STK32B: variants seen among roughly 807,000 people sequenced by gnomAD.
STK32B encodes serine/threonine kinase 32B.
Under a neutral mutation model 52.6 loss-of-function variants are expected in STK32B, and 43 were observed. The ratio of observed to expected loss-of-function variants is 0.82; its 90% CI spans 0.64 to 1.05. STK32B has a LOEUF of 1.05. STK32B is among the 50% of genes least tolerant of loss of function. STK32B has a pLI of 0.00. For synonymous variants in STK32B, 238 were observed against 204.3 expected (o/e 1.17, Z -1.41); for missense variants, 621 against 534.6 (o/e 1.16, Z -1.59).
intron 11 of STK32B, among the ~76,000 whole-genome samples, chr4:5,484,256 A>T (rs1026259190): frequency 6.6e-6 from 1 of 152,194 alleles, no homozygotes; most frequent in Non-Finnish European, 1.5e-5. Flanking sequence ...GACTTGCTCT[A>T]TGAATCTGGG....
At chr4:5,420,290 A>T (rs184976412) in intron 6 of STK32B, among the ~76,000 whole-genome samples, 1 of 152,186 alleles carries the variant, frequency 6.6e-6, no homozygotes, top group Non-Finnish European at 1.5e-5. Context: ...AGTAGTCTTC[A>T]TGGGAGCCTG....
chr4:5,074,548 CATATCTAGTATTTTTCTTTAT>C (rs1224220542), intron 1 of STK32B, among the ~76,000 whole-genome samples: 1 of 151,848 alleles, frequency 6.6e-6, no homozygotes, highest in African/African-American at 2.4e-5. Flanking sequence ...TGTTTCTTTA[CATATCTAGTATTTTTCTTTAT>C]ATGCTAGATA....
the STK32B span, among the ~76,000 whole-genome samples, chr4:5,037,990 C>A: frequency 6.6e-6 from 1 of 152,102 alleles, no homozygotes; most frequent in Non-Finnish European, 1.5e-5. Context: ...CTAAGACCTC[C>A]CCACCCGTCC....
chr4:5,301,795 GA>G, intron 3 of STK32B, among the ~76,000 whole-genome samples: 1 of 142,374 alleles, frequency 7.0e-6, no homozygotes, highest in East Asian at 2.1e-4. Context: ...CATTGAAATA[GA>G]AAATGCTCTA....
intron 3 of STK32B, among the ~76,000 whole-genome samples, chr4:5,269,084 G>A (rs1727243733): frequency 6.6e-6 from 1 of 152,132 alleles, no homozygotes; most frequent in African/African-American, 2.4e-5. Context: ...GACCAAGGCA[G>A]CTAGAGTTCA....
intron 1 of STK32B, among the ~76,000 whole-genome samples, chr4:5,104,691 T>A (rs1229282243): frequency 6.6e-6 from 1 of 152,240 alleles, no homozygotes; most frequent in Non-Finnish European, 1.5e-5. Context: ...TGTGTCTTCT[T>A]CTCTGAGGTC....
intron 3 of STK32B, among the ~76,000 whole-genome samples, chr4:5,176,442 T>TTA: frequency 6.7e-6 from 1 of 148,736 alleles, no homozygotes; most frequent in African/African-American, 2.5e-5. Flanking sequence ...CATCATCTTT[T>TTA]TTTTTTTTTT....
chr4:5,464,151 C>G (rs1460068934), intron 9 of STK32B, among the ~76,000 whole-genome samples: 1 of 152,192 alleles, frequency 6.6e-6, no homozygotes, highest in East Asian at 1.9e-4. Flanking sequence ...AGATGTCTCA[C>G]CAGAGCTCAC....
At chr4:5,258,964 T>C (rs1437071662) in intron 3 of STK32B, among the ~76,000 whole-genome samples, 1 of 152,190 alleles carries the variant, frequency 6.6e-6, no homozygotes, top group East Asian at 1.9e-4. Flanking sequence ...CACTCACTTC[T>C]TTCCAGGCTT....
At chr4:5,371,978 C>G (rs1306009758) in intron 4 of STK32B, among the ~76,000 whole-genome samples, 1 of 152,202 alleles carries the variant, frequency 6.6e-6, no homozygotes, top group African/African-American at 2.4e-5. Context: ...AGATGTCCTT[C>G]TGGGCACAAG....
At chr4:5,387,056 C>A (rs116062208) in intron 4 of STK32B, among the ~76,000 whole-genome samples, 135 of 152,300 alleles carry the variant, frequency 8.9e-4, no homozygotes, top group African/African-American at 3.1e-3. Context: ...CACTGCTGAA[C>A]GTGAATGACA....
chr4:5,471,924 T>A (rs1420780778), intron 11 of STK32B, among the ~76,000 whole-genome samples: 3 of 152,244 alleles, frequency 2.0e-5, no homozygotes, highest in Non-Finnish European at 2.9e-5. Context: ...AAAAGCCTAC[T>A]GGCTGCGGGA....
chr4:5,239,509 G>A (rs1724861528), intron 3 of STK32B, among the ~76,000 whole-genome samples: 1 of 152,084 alleles, frequency 6.6e-6, no homozygotes, highest in Admixed American at 6.5e-5. Flanking sequence ...GAGGTAATGG[G>A]CTCTGGCTCT....
Position 5,380,720 on chromosome 4 carries a change from A to T in STK32B, c.435-17487A>T, listed in dbSNP as rs1262224772. On this transcript the variant is annotated intron_variant, in intron 4 of 11. Coordinates refer to ENST00000282908, the MANE Select transcript of STK32B (RefSeq NM_018401.3). The surrounding 1 kb of genome is among the most constrained non-coding windows in gnomAD (Gnocchi z 4.3). ...CGTGAAATCCTTAAAGCTTTGAACA[A>T]AGGGCCCTGCATTTTCTTTTTGCAC... Among the ~76,000 whole-genome samples, 1 of 152,150 alleles carries T rather than the reference A, an allele frequency of 6.6e-6. No homozygotes were observed. Among genetic ancestry groups the T allele is most frequent in the Non-Finnish European group, 1.5e-5 (1 of 68,030 alleles).
chr4:5,189,414 A>G (rs1721008330), intron 3 of STK32B, among the ~76,000 whole-genome samples: 1 of 152,176 alleles, frequency 6.6e-6, no homozygotes, highest in African/African-American at 2.4e-5. Context: ...CAGTGTGTAG[A>G]CTTTTCAGAT....
the STK32B span, among the ~76,000 whole-genome samples, chr4:5,027,829 C>T: frequency 6.6e-6 from 1 of 152,134 alleles, no homozygotes; most frequent in African/African-American, 2.4e-5. Context: ...CTGTCGTTGC[C>T]AGCAGTTAAG....
intron 1 of STK32B, among the ~76,000 whole-genome samples, chr4:5,053,818 A>ATTTTGT: frequency 2.0e-5 from 3 of 151,842 alleles, no homozygotes; most frequent in South Asian, 2.1e-4. Flanking sequence ...GACTCTACTA[A>ATTTTGT]AAATACAAAA....
At chr4:5,325,173 A>G (rs889299267) in intron 3 of STK32B, among the ~76,000 whole-genome samples, 7 of 152,182 alleles carry the variant, frequency 4.6e-5, no homozygotes, top group African/African-American at 1.2e-4. Flanking sequence ...ACATCATGCA[A>G]AAAATTCCTG....
intron 5 of STK32B, among the ~76,000 whole-genome samples, chr4:5,408,844 C>T (rs1325683081): frequency 2.0e-5 from 3 of 152,120 alleles, no homozygotes; most frequent in Non-Finnish European, 4.4e-5. Context: ...CACCCCATGA[C>T]CCAGGGTGGA....
Sources: gnomAD v4.1 joint callset for allele counts (sites outside exome capture counted in the v4.1 genomes callset) on GRCh38, gnomAD v4.1.1 for gene constraint, Gnocchi (gnomAD v3.1) non-coding constraint, MANE v1.5 for transcripts, NCBI Gene and HGNC (gene_info 2026-07-23, HGNC 2026-07-21) for gene names.